R3HDM2: variants seen among roughly 807,000 people sequenced by gnomAD.
R3HDM2 encodes R3H domain containing 2, also known as R3H domain-containing protein 2.
R3HDM2 carries 38 observed loss-of-function variants against 124.5 expected under a neutral mutation model. The ratio of observed to expected loss-of-function variants is 0.31; its 90% CI spans 0.24 to 0.40. R3HDM2 has a LOEUF of 0.40. R3HDM2 is among the 10% of genes least tolerant of loss of function. The pLI is 1.00. For missense variants in R3HDM2, 869 were observed against 1,236.9 expected (o/e 0.70, Z 4.46); for synonymous variants, 391 against 448.0 (o/e 0.87, Z 1.61).
At chr12:57,311,241 T>A (rs1265001426) in intron 2 of R3HDM2, among the ~76,000 whole-genome samples, 1 of 151,376 alleles carries the variant, frequency 6.6e-6, no homozygotes, top group Non-Finnish European at 1.5e-5. Context: ...ATATATATAT[T>A]TTGAGATGGA....
chr12:57,424,224 T>C (rs896329879), intron 1 of R3HDM2, among the ~76,000 whole-genome samples: 32 of 150,370 alleles, frequency 2.1e-4, no homozygotes, highest in African/African-American at 7.8e-4. Context: ...AGTGGCGTGA[T>C]CTCAATCACT....
chr12:57,360,154 T>TA (rs923805806), intron 2 of R3HDM2, among the ~76,000 whole-genome samples: 1 of 150,634 alleles, frequency 6.6e-6, no homozygotes, highest in African/African-American at 2.4e-5. Flanking sequence ...TCAGCCTCCC[T>TA]AGTAGCTGGG....
At chr12:57,375,669 C>A (rs2063954364) in intron 2 of R3HDM2, among the ~76,000 whole-genome samples, 1 of 143,114 alleles carries the variant, frequency 7.0e-6, no homozygotes, top group Admixed American at 7.5e-5. Flanking sequence ...CAGGTCAGAT[C>A]AGCTGCTTTT....
intron 2 of R3HDM2, among the ~76,000 whole-genome samples, chr12:57,374,810 G>A (rs1200871325): frequency 6.7e-6 from 1 of 150,038 alleles, no homozygotes; most frequent in Non-Finnish European, 1.5e-5. Flanking sequence ...TGGCTAACAC[G>A]GTGAAACCCC....
intron 2 of R3HDM2, among the ~76,000 whole-genome samples, chr12:57,311,238 T>C (rs2053841377): frequency 6.6e-6 from 1 of 151,970 alleles, no homozygotes; most frequent in Non-Finnish European, 1.5e-5. Context: ...TATATATATA[T>C]ATTTTGAGAT....
chr12:57,414,665 A>G (rs1386981696), intron 1 of R3HDM2, among the ~76,000 whole-genome samples: 2 of 151,522 alleles, frequency 1.3e-5, no homozygotes, highest in African/African-American at 4.8e-5. Context: ...GCAAAACCCC[A>G]TCTCTACTAA....
intron 19 of R3HDM2, among the ~76,000 whole-genome samples, chr12:57,263,996 T>C (rs1425230162): frequency 6.6e-6 from 1 of 152,046 alleles, no homozygotes; most frequent in East Asian, 1.9e-4. Flanking sequence ...GGAGGCTAAA[T>C]TAAGACTTCC....
chr12:57,268,187 G>T, intron 18 of R3HDM2, 116 bp downstream of exon 18: 1 of 1,116,070 alleles, frequency 9.0e-7, no homozygotes, highest in Non-Finnish European at 1.3e-6. Flanking sequence ...CTGCTTTAGG[G>T]AACTACTGGG....
At chr12:57,409,276 TA>T (rs1299729435) in intron 1 of R3HDM2, among the ~76,000 whole-genome samples, 5 of 152,060 alleles carry the variant, frequency 3.3e-5, no homozygotes, top group Non-Finnish European at 7.4e-5. Context: ...TTTACTCTAG[TA>T]AAACATACAA....
chr12:57,276,100 C>G (rs923974508), intron 14 of R3HDM2, among the ~76,000 whole-genome samples: 3 of 151,662 alleles, frequency 2.0e-5, no homozygotes, highest in African/African-American at 7.3e-5. Context: ...GCCTGTAGTC[C>G]TAGCTACTCG....
At chr12:57,337,517 T>A (rs2059009558) in intron 2 of R3HDM2, among the ~76,000 whole-genome samples, 1 of 151,766 alleles carries the variant, frequency 6.6e-6, no homozygotes, top group Admixed American at 6.6e-5. Context: ...TCAGTGGGAG[T>A]CATAAATTGT....
chr12:57,394,407 T>C (rs2067184168), intron 2 of R3HDM2, among the ~76,000 whole-genome samples: 1 of 151,580 alleles, frequency 6.6e-6, no homozygotes. Context: ...TCAGGAGTTC[T>C]AGACCAGCCT....
At chr12:57,372,522 C>T (rs11172190) in intron 2 of R3HDM2, among the ~76,000 whole-genome samples, 67,422 of 151,934 alleles carry the variant, frequency 0.44, 15,758 homozygotes, top group Middle Eastern at 0.81. Context: ...AAATGCCAAA[C>T]TCTAATGTAC....
At chr12:57,281,154 G>A (rs1565944750) in intron 13 of R3HDM2, among the ~76,000 whole-genome samples, 1 of 151,858 alleles carries the variant, frequency 6.6e-6, no homozygotes, top group African/African-American at 2.4e-5. Context: ...GAGCTTGAGG[G>A]TGGGCGCCTG....
Position 57,256,043 on chromosome 12 carries a change from C to T in R3HDM2, c.2579G>A (p.Gly860Asp). 2 of 1,614,088 alleles carry T rather than the reference C, an allele frequency of 1.2e-6. No individual in the cohort carries two copies. Among genetic ancestry groups the T allele is most frequent in the Non-Finnish European group, 1.7e-6 (2 of 1,179,998 alleles). ...GQSGLKHGNR[G>D]KRQALKSAST... ...GGCAGATTTGAGTGCTTGTCTCTTGCCCCGGTTTCCATGCTTCAGTCCACT... is the reference window on the plus strand; with the variant it reads ...GGCAGATTTGAGTGCTTGTCTCTTGTCCCGGTTTCCATGCTTCAGTCCACT... The change falls in exon 23 of 24, where the codon GGC (glycine) becomes GAC (aspartate). Residue 860 changes from glycine (G) to aspartate (D), a missense_variant. Physicochemically the swap from Gly to Asp is moderately conservative, Grantham distance 94. Around this residue, in one of 2 missense-constraint regions of R3HDM2, gnomAD observed 602 missense variants for 789.2 expected, o/e 0.76. Coordinates refer to ENST00000402412, the MANE Select transcript of R3HDM2 (RefSeq NM_001394031.1).
At chr12:57,298,330 T>C (rs752004833) in intron 6 of R3HDM2, among the ~76,000 whole-genome samples, 162 bp from the exon 7 acceptor site, 3 of 152,182 alleles carry the variant, frequency 2.0e-5, no homozygotes, top group Admixed American at 1.3e-4. Context: ...CTTGATGTGC[T>C]AGATCCCAAA....
chr12:57,312,710 A>C (rs1264893934), intron 2 of R3HDM2, among the ~76,000 whole-genome samples: 1 of 152,034 alleles, frequency 6.6e-6, no homozygotes, highest in Non-Finnish European at 1.5e-5. Context: ...GTCTCTACTA[A>C]AAATACAAAA....
chr12:57,386,867 G>A (rs1400831291), intron 2 of R3HDM2, among the ~76,000 whole-genome samples: 1 of 152,106 alleles, frequency 6.6e-6, no homozygotes, highest in Non-Finnish European at 1.5e-5. Context: ...GTTTGTGAAT[G>A]CACCAATTGG....
chr12:57,352,492 C>CTTTTT (rs759397684), intron 2 of R3HDM2, among the ~76,000 whole-genome samples: 1 of 125,030 alleles, frequency 8.0e-6, no homozygotes, highest in Non-Finnish European at 1.7e-5. Flanking sequence ...TAGGCAAACG[C>CTTTTT]TTTTTTTTTT....
Sources: allele counts gnomAD v4.1 joint callset (sites outside exome capture counted in the v4.1 genomes callset), GRCh38; gene constraint gnomAD v4.1.1; regional missense constraint gnomAD v4.1.1; transcripts MANE v1.5; gene names NCBI Gene and HGNC (gene_info 2026-07-23, HGNC 2026-07-21).